The following TRAF7 variants were observed in gnomAD, a reference collection of about 807,000 sequenced individuals.
TRAF7 encodes E3 ubiquitin-protein ligase TRAF7.
In TRAF7, 45 loss-of-function variants were observed where a neutral mutation model predicts 89.3. The ratio of observed to expected loss-of-function variants is 0.50; its 90% confidence interval spans 0.40 to 0.65. The LOEUF (loss-of-function observed/expected upper bound fraction) is 0.65. Ranked by LOEUF, TRAF7 falls within the 30% of genes least tolerant of loss-of-function variation. The probability of loss-of-function intolerance (pLI) is 0.00; values close to 1 mark genes in which losing one functional copy is unlikely to be tolerated. For missense variants in TRAF7, 677 were observed against 918.1 expected (o/e 0.74, Z 3.39); for synonymous variants, 406 against 369.2 (o/e 1.10, Z -1.14).
At chr16:2,164,177 C>CGCGCGCACGCGT (rs1555465743) in intron 2 of TRAF7, among the ~76,000 whole-genome samples, 176 bp downstream of exon 2, 6 of 117,752 alleles carry the variant, frequency 5.1e-5, no homozygotes, top group African/African-American at 1.9e-4. Flanking sequence ...CGCGCGCGCG[C>CGCGCGCACGCGT]GCGCACGCGT....
Position 2,168,877 on chromosome 16 carries a change from AG to A in TRAF7, c.231+714del, listed in dbSNP as rs956054345. Among the ~76,000 whole-genome samples the A allele has an allele frequency of 2.0e-5, 3 of 151,844 alleles. No individual in the cohort carries two copies. The highest frequency in any genetic ancestry group is 7.3e-5 in the African/African-American group (3 of 41,308). ...CCTGGGCATGAAGGACTGGCCCAGC[AG>A]GGGGTGGGGGTGTGTGGGGCCTCTC... is the stretch of plus-strand genomic sequence containing the variant. On this transcript the variant is annotated intron_variant, in intron 4 of 20. Coordinates refer to ENST00000326181, the MANE Select transcript of TRAF7 (RefSeq NM_032271.3). The surrounding 1 kb of genome is among the most constrained non-coding windows in gnomAD (Gnocchi z 4.1).
At chr16:2,156,013 G>A (rs2093032166) in intron 1 of TRAF7, among the ~76,000 whole-genome samples, 155 bp downstream of exon 1, 2 of 151,310 alleles carry the variant, frequency 1.3e-5, no homozygotes, top group East Asian at 3.9e-4. Context: ...GGTCGGGGTC[G>A]GGGTCAGGGT....
rs376580813 is a variant in TRAF7 at position 2,164,139 on chromosome 16, G to GGTGTGTGT, written c.81+152_81+159dup. The GGTGTGTGT allele has an allele frequency of 2.6e-3, 1,412 of 544,252 alleles. 17 individuals are homozygous for GGTGTGTGT. The highest frequency in any genetic ancestry group is 0.024 in the African/African-American group (1,115 of 46,532). The allele number at this position is 544,252 out of a possible 1,614,324, so 33.7% of individuals were successfully genotyped here. A position where few individuals can be genotyped will look rare whatever the true frequency, so the allele number is the denominator to read the frequency against. On this transcript the variant is annotated intron_variant, in intron 2 of 20. Transcript: ENST00000326181. ...AGGGGAGCTCGGTGGGGGGGGGTGTGGTGTGTGTGTGTGTGTGTGTGCGCG... is the reference window on the plus strand; with the variant it reads ...AGGGGAGCTCGGTGGGGGGGGGTGTGGTGTGTGTGTGTGTGTGTGTGTGTGTGTGCGCG...
Position 2,176,384 on chromosome 16 carries a change from G to A in TRAF7, c.1998G>A (p.Lys666=). 2.5e-6 allele frequency: 4 copies of A among 1,609,096 alleles called. No individual in the cohort carries two copies. Among genetic ancestry groups the A allele is most frequent in the Non-Finnish European group, 3.4e-6 (4 of 1,179,248 alleles). ...CAGGGGCTGTGGATAGCACTGTGAA[G>A]GTCAGTGCCCGTGGCTCAGGCCATT... ...LFSGAVDSTV[K]VWTC is the part of the protein sequence containing the mutation. Residue 666 remains lysine, a splice_region_variant and synonymous_variant, in exon 20 of 21, where the codon AAG becomes AAA. Coordinates refer to ENST00000326181, the MANE Select transcript of TRAF7 (RefSeq NM_032271.3).
intron 3 of TRAF7, among the ~76,000 whole-genome samples, chr16:2,167,411 C>T (rs560477959): frequency 5.3e-5 from 8 of 152,370 alleles, no homozygotes; most frequent in East Asian, 3.9e-4. Flanking sequence ...CTGCCTCCCA[C>T]GTGGACTGAC....
At position 2,162,249 on chromosome 16, in the gene TRAF7, G is replaced by C. The variant is rs1418460649; in HGVS notation, c.-38-1634G>C. 6.6e-6 allele frequency among the ~76,000 whole-genome samples: 1 copy of C among 151,076 alleles called. No homozygotes were observed. Among genetic ancestry groups the C allele is most frequent in the Admixed American group, 6.5e-5 (1 of 15,292 alleles). Reference sequence around the variant, plus strand: ...GTGGGCCTGGGCAGCCTAGAGAATGGGAGAGGAGACAGCAGGAGTGGTAGA... The same window carrying C: ...GTGGGCCTGGGCAGCCTAGAGAATGCGAGAGGAGACAGCAGGAGTGGTAGA... On this transcript the variant is annotated intron_variant, in intron 1 of 20. Coordinates refer to ENST00000326181, the MANE Select transcript of TRAF7 (RefSeq NM_032271.3). This position sits in a 1 kb window ranked among gnomAD's most constrained non-coding sequence, Gnocchi z 5.0.
intron 2 of TRAF7, 149 bp downstream of exon 2, chr16:2,164,150 GT>G: frequency 1.7e-6 from 1 of 586,638 alleles, no homozygotes; most frequent in Non-Finnish European, 2.9e-6. Flanking sequence ...GTGTGTGTGT[GT>G]GTGTGTGTGC....
chr16:2,156,911 G>T (rs1020884908), intron 1 of TRAF7, among the ~76,000 whole-genome samples: 3 of 152,160 alleles, frequency 2.0e-5, no homozygotes, highest in African/African-American at 7.2e-5. Context: ...CCCCACTGGG[G>T]TCCTGCTGTC....
chr16:2,173,063 T>TG (rs1314608284), intron 9 of TRAF7, 119 bp from the exon 10 acceptor site: 1 of 805,242 alleles, frequency 1.2e-6, no homozygotes, highest in East Asian at 2.8e-5. Context: ...CAGGTGTGGG[T>TG]GGGGGCAGCT....
At position 2,161,835 on chromosome 16, in the gene TRAF7, C is replaced by T. The variant is rs548876651; in HGVS notation, c.-38-2048C>T. Among the ~76,000 whole-genome samples, 11 of 152,312 alleles carry T rather than the reference C, an allele frequency of 7.2e-5. 1 individual carries two copies. In the South Asian group the frequency reaches 1.2e-3, roughly 17 times the overall value. On this transcript the variant is annotated intron_variant, in intron 1 of 20. Transcript: ENST00000326181. This position sits in a 1 kb window ranked among gnomAD's most constrained non-coding sequence, Gnocchi z 5.2. Reference sequence around the variant, plus strand: ...CCTTCCTGCCGGGAGCTGCTGGAGACGGGATAGACATGTGCCAGGGCAGAG... The same window carrying T: ...CCTTCCTGCCGGGAGCTGCTGGAGATGGGATAGACATGTGCCAGGGCAGAG...
rs1246233598 is a variant in TRAF7, at chr16:2,159,118, C to T, written c.-39+3260C>T. Among the ~76,000 whole-genome samples the T allele has an allele frequency of 2.6e-5, 4 of 152,190 alleles. No homozygotes were observed. Among genetic ancestry groups the T allele is most frequent in the African/African-American group, 4.8e-5 (2 of 41,436 alleles). On this transcript the variant is annotated intron_variant, in intron 1 of 20. Coordinates refer to ENST00000326181, the MANE Select transcript of TRAF7 (RefSeq NM_032271.3). This position sits in a 1 kb window ranked among gnomAD's most constrained non-coding sequence, Gnocchi z 6.5. ...TGTGAAGTTGGGGTAAAGCCTTGGC[C>T]GAGCTGTGGGGACCCCCTCCCTGGA...
rs865875492 is a variant in TRAF7, at chr16:2,177,790, G to A, written c.*1216G>A. On this transcript the variant is annotated 3_prime_UTR_variant, in exon 21 of 21. Coordinates refer to ENST00000326181, the MANE Select transcript of TRAF7 (RefSeq NM_032271.3). ...CAGGAGGAGGACACGGCCGCCGAGA[G>A]CAAGGCACAACCTCGAGTTCTTGGG... 2.0e-5 allele frequency: 5 copies of A among 245,272 alleles called. No homozygotes were observed. The highest frequency in any genetic ancestry group is 1.1e-4 in the Admixed American group (2 of 18,150). 15.2% of individuals were successfully genotyped at this position (245,272 alleles called of 1,614,324 possible).
intron 14 of TRAF7, 22 bp from the exon 15 acceptor site, chr16:2,175,087 GAC>G (rs1413913079): frequency 6.2e-6 from 10 of 1,613,770 alleles, no homozygotes; most frequent in Non-Finnish European, 8.5e-6. Flanking sequence ...CTCCCACCTT[GAC>G]ACATTGTCTC....
chr16:2,176,658 G>C lies in TRAF7; in HGVS notation c.*84G>C. Reference sequence around the variant, plus strand: ...GCTGGCCACATGGGGTGGTCTCGGGGTTTCTGCCTGCCCCGTGGGCATAGG... The same window carrying C: ...GCTGGCCACATGGGGTGGTCTCGGGCTTTCTGCCTGCCCCGTGGGCATAGG... On this transcript the variant is annotated 3_prime_UTR_variant, in exon 21 of 21. Coordinates refer to ENST00000326181, the MANE Select transcript of TRAF7 (RefSeq NM_032271.3). The C allele has an allele frequency of 6.2e-7, 1 of 1,603,424 alleles. No individual in the cohort carries two copies. The highest frequency in any genetic ancestry group is 8.5e-7 in the Non-Finnish European group (1 of 1,173,264).
In TRAF7 at chr16:2,163,953, C is replaced by T; in HGVS notation, c.33C>T (p.Arg11=). 1 of 1,613,034 alleles carries T rather than the reference C, an allele frequency of 6.2e-7. No homozygotes were observed. Residue 11 remains arginine, a synonymous_variant, in exon 2 of 21, where the codon CGC becomes CGT. Coordinates refer to ENST00000326181, the MANE Select transcript of TRAF7 (RefSeq NM_032271.3). The surrounding 1 kb of genome is among the most constrained non-coding windows in gnomAD (Gnocchi z 4.3). Reference sequence around the variant, plus strand: ...CAGGCAAGAGTGCCCGCTACAACCGCTTCTCCGGGGGGCCCAGCAATCTTC... The same window carrying T: ...CAGGCAAGAGTGCCCGCTACAACCGTTTCTCCGGGGGGCCCAGCAATCTTC... MSSGKSARYN[R]FSGGPSNLPT...
chr16:2,166,704 A>G (rs150283362), intron 3 of TRAF7, among the ~76,000 whole-genome samples: 9 of 152,332 alleles, frequency 5.9e-5, no homozygotes, highest in Non-Finnish European at 1.3e-4. Context: ...GCCAAGCCCA[A>G]TAAATCTTCA....
In TRAF7 at chr16:2,155,820, G is replaced by A. The variant is rs9936655; in HGVS notation, c.-77G>A. 17,033 of 151,402 alleles carry A rather than the reference G, an allele frequency of 0.11. 3,064 individuals carry two copies. Among genetic ancestry groups the A allele is most frequent in the African/African-American group, 0.38 (15,544 of 41,300 alleles). 9.4% of individuals were successfully genotyped at this position (151,402 alleles called of 1,614,324 possible). ...GGCGGCCGAGGGGGCATCATGAAGC[G>A]GGCTGGCGGCGCTGCCGCTCCCGGG... On this transcript the variant is annotated 5_prime_UTR_variant, in exon 1 of 21. Transcript: ENST00000326181.
At position 2,158,227 on chromosome 16, in the gene TRAF7, C is replaced by A. The variant is rs1319088808; in HGVS notation, c.-39+2369C>A. On this transcript the variant is annotated intron_variant, in intron 1 of 20. Coordinates refer to ENST00000326181, the MANE Select transcript of TRAF7 (RefSeq NM_032271.3). This position sits in a 1 kb window ranked among gnomAD's most constrained non-coding sequence, Gnocchi z 4.7. ...GGTGGGCACCGAGGACTTCACCAGGCCCTCTGTGTGGATCATGCGGGGGGA... is the reference window on the plus strand; with the variant it reads ...GGTGGGCACCGAGGACTTCACCAGGACCTCTGTGTGGATCATGCGGGGGGA... Among the ~76,000 whole-genome samples the A allele has an allele frequency of 6.6e-6, 1 of 152,198 alleles. No homozygotes were observed. The highest frequency in any genetic ancestry group is 1.5e-5 in the Non-Finnish European group (1 of 68,034).
At position 2,173,463 on chromosome 16, in the gene TRAF7, T is replaced by G; in HGVS notation, c.1013-18T>G. The stretch of plus-strand genomic sequence containing the variant: ...TGCTCCGGGCACCAGTGACACCCCC[T>G]CTCCTCCTGCTACTCAGACGTCCTG... On this transcript the variant is annotated intron_variant, in intron 10 of 20. Transcript: ENST00000326181. 1 of 1,612,986 alleles carries G rather than the reference T, an allele frequency of 6.2e-7. No individual in the cohort carries two copies. The highest frequency in any genetic ancestry group is 8.5e-7 in the Non-Finnish European group (1 of 1,179,752).
Sources: gnomAD v4.1 joint callset for allele counts (sites outside exome capture counted in the v4.1 genomes callset) on GRCh38, gnomAD v4.1.1 for gene constraint, Gnocchi (gnomAD v3.1) non-coding constraint, MANE v1.5 for transcripts, NCBI Gene and HGNC (gene_info 2026-07-23, HGNC 2026-07-21) for gene names.